Variants in SLC11A2 observed in about 807,000 individuals in gnomAD.
The protein encoded by SLC11A2 is natural resistance-associated macrophage protein 2.
In SLC11A2, 38 loss-of-function variants were observed where a neutral mutation model predicts 68.0. The observed-to-expected ratio is 0.56, with a 90% CI of 0.43 to 0.73. The LOEUF is 0.73. Among genes scored for constraint, SLC11A2 ranks in the 30% least tolerant of loss-of-function variants. The probability of loss-of-function intolerance (pLI) is 0.00; values close to 1 mark genes in which losing one functional copy is unlikely to be tolerated. For synonymous variants in SLC11A2, 242 were observed against 250.6 expected (o/e 0.97, Z 0.32); for missense variants, 517 against 690.5 (o/e 0.75, Z 2.82).
chr12:51,008,327 A>G (rs11169664), intron 3 of SLC11A2, 149 bp downstream of exon 3: 107,325 of 452,740 alleles, frequency 0.24, 6,961 homozygotes, highest in South Asian at 0.34. Flanking sequence ...GTGTGTGTGT[A>G]TATATATATA....
At chr12:51,009,329 T>A (rs1435154811) in intron 2 of SLC11A2, 14 of 1,243,894 alleles carry the variant, frequency 1.1e-5, no homozygotes, top group Non-Finnish European at 3.0e-6. Flanking sequence ...CAGACTGATA[T>A]CAGCGTTTCC....
chr12:51,004,747 A>G (rs1281650156), intron 5 of SLC11A2, 41 bp downstream of exon 5: 2 of 1,609,782 alleles, frequency 1.2e-6, no homozygotes. Flanking sequence ...ACAGATTCCT[A>G]TGGCATGGGT....
chr12:50,997,912 T>G (rs1054416529), intron 8 of SLC11A2, among the ~76,000 whole-genome samples: 2 of 148,888 alleles, frequency 1.3e-5, no homozygotes, highest in African/African-American at 2.5e-5. Context: ...CGCTTGAACC[T>G]GGGGGTGGAA....
intron 1 of SLC11A2, among the ~76,000 whole-genome samples, chr12:51,016,046 G>C (rs557359041): frequency 6.6e-6 from 1 of 151,584 alleles, no homozygotes; most frequent in Non-Finnish European, 1.5e-5. Context: ...GCCTCCCAAA[G>C]TGCTGGGATT....
chr12:50,976,973 C>T (rs1402321469), downstream of SLC11A2, among the ~76,000 whole-genome samples: 2 of 152,082 alleles, frequency 1.3e-5, no homozygotes, highest in East Asian at 1.9e-4. Flanking sequence ...GAACTACAAA[C>T]CACTGCTCAA....
chr12:50,970,485 CT>C, the SLC11A2 span: 1 of 1,534,278 alleles, frequency 6.5e-7, no homozygotes, highest in Non-Finnish European at 8.8e-7. Context: ...GACCACGATT[CT>C]TCAGTGAGTC....
chr12:51,000,803 G>C (rs974537501), intron 5 of SLC11A2, among the ~76,000 whole-genome samples: 2 of 152,174 alleles, frequency 1.3e-5, no homozygotes, highest in Non-Finnish European at 2.9e-5. Context: ...GGTCAAGAAA[G>C]AATATTAAAT....
the SLC11A2 span, among the ~76,000 whole-genome samples, chr12:50,952,691 G>C: frequency 6.6e-6 from 1 of 152,230 alleles, no homozygotes; most frequent in African/African-American, 2.4e-5. Flanking sequence ...TGCAGGAGGC[G>C]CACCTGCGAT....
chr12:50,958,938 AC>A, the SLC11A2 span, among the ~76,000 whole-genome samples: 7 of 151,370 alleles, frequency 4.6e-5, no homozygotes, highest in African/African-American at 1.7e-4. Flanking sequence ...AATCACTTAA[AC>A]CCGGGAGGCA....
the SLC11A2 span, among the ~76,000 whole-genome samples, chr12:50,971,277 A>C: frequency 6.6e-6 from 1 of 152,218 alleles, no homozygotes; most frequent in Non-Finnish European, 1.5e-5. Flanking sequence ...ACTCCTTTTT[A>C]GAATGGGTAA....
chr12:50,999,940 G>A (rs549801193), intron 6 of SLC11A2, among the ~76,000 whole-genome samples: 37 of 152,180 alleles, frequency 2.4e-4, no homozygotes, highest in East Asian at 1.2e-3. Context: ...CCTGGGAGGC[G>A]GAGGTTGCAG....
At chr12:51,020,854 A>G (rs1161363926) in intron 1 of SLC11A2, among the ~76,000 whole-genome samples, 5 of 152,220 alleles carry the variant, frequency 3.3e-5, no homozygotes, top group Non-Finnish European at 1.5e-5. Flanking sequence ...CTGTAATCCC[A>G]GCACTTTGGG....
chr12:51,005,554 A>G lies in SLC11A2; in HGVS notation c.184-118T>C, dbSNP rs186340517. On this transcript the variant is annotated intron_variant, in intron 3 of 15. Transcript: ENST00000262052. ...GCCTCACAAGAAAAAAGGATTTACAATGTCAGATATTGCATGTGTCCAAGT... is the reference window on the plus strand; with the variant it reads ...GCCTCACAAGAAAAAAGGATTTACAGTGTCAGATATTGCATGTGTCCAAGT... 38 of 1,540,862 alleles carry G rather than the reference A, an allele frequency of 2.5e-5. 1 individual carries two copies. In the East Asian group the frequency reaches 6.8e-4, roughly 28 times the overall value.
intron 1 of SLC11A2, among the ~76,000 whole-genome samples, chr12:51,024,048 T>G (rs942061368): frequency 6.6e-5 from 10 of 152,164 alleles, no homozygotes; most frequent in South Asian, 2.1e-4. Flanking sequence ...ACAACTAAAC[T>G]TATACCAACT....
downstream of SLC11A2, chr12:50,981,639 C>T (rs1565971204): frequency 1.1e-6 from 1 of 871,626 alleles, no homozygotes; most frequent in African/African-American, 1.7e-5. Flanking sequence ...CAAAACTCAC[C>T]TCTGAACTAA....
At chr12:51,007,285 T>C (rs1403636198) in intron 3 of SLC11A2, among the ~76,000 whole-genome samples, 1 of 152,166 alleles carries the variant, frequency 6.6e-6, no homozygotes, top group African/African-American at 2.4e-5. Context: ...TGGTCACTCA[T>C]ATTTGGCTCA....
chr12:50,989,008 C>G (rs1940878624), intron 15 of SLC11A2, among the ~76,000 whole-genome samples: 1 of 152,194 alleles, frequency 6.6e-6, no homozygotes, highest in East Asian at 1.9e-4. Flanking sequence ...GCCACCTCGT[C>G]CAGCCTGTTG....
chr12:50,955,612 C>T, the SLC11A2 span, among the ~76,000 whole-genome samples: 1 of 152,166 alleles, frequency 6.6e-6, no homozygotes, highest in East Asian at 1.9e-4. Context: ...GTTACTCTGA[C>T]TCTAGCAACT....
At position 50,986,578 on chromosome 12, in the gene SLC11A2, T is replaced by A; in HGVS notation, c.*1747A>T. 7.8e-7 allele frequency: 1 copy of A among 1,287,072 alleles called. No homozygotes were observed. Among genetic ancestry groups the A allele is most frequent in the Non-Finnish European group, 1.0e-6 (1 of 988,666 alleles). 79.7% of individuals were successfully genotyped at this position (1,287,072 alleles called of 1,614,324 possible). ...CATATCATCTTTATAAAGAATTTTT[T>A]TTTTGTCGTCAGTTTGGCCTTTCCT... is the stretch of plus-strand genomic sequence containing the variant. On this transcript the variant is annotated 3_prime_UTR_variant, in exon 16 of 16. Coordinates refer to ENST00000262052, the MANE Select transcript of SLC11A2 (RefSeq NM_000617.3).
Sources: gnomAD v4.1 joint callset for allele counts (sites outside exome capture counted in the v4.1 genomes callset) on GRCh38, gnomAD v4.1.1 for gene constraint, MANE v1.5 for transcripts, NCBI Gene and HGNC (gene_info 2026-07-23, HGNC 2026-07-21) for gene names.